Variants in MAP4K5 observed in about 807,000 individuals in gnomAD.
The protein encoded by MAP4K5 is MAPK/ERK kinase kinase kinase 5.
In MAP4K5, 82 loss-of-function variants were observed where a neutral mutation model predicts 135.6. The observed-to-expected ratio is 0.60, with a 90% CI of 0.51 to 0.73. The LOEUF (loss-of-function observed/expected upper bound fraction) is 0.73. MAP4K5 is among the 30% of genes least tolerant of loss of function. The probability of loss-of-function intolerance (pLI) is 0.00; values close to 1 mark genes in which losing one functional copy is unlikely to be tolerated. For missense variants in MAP4K5, 907 were observed against 1,010.9 expected, an observed-to-expected ratio of 0.90 and a Z score of 1.39; for synonymous variants, 347 against 335.0, an observed-to-expected ratio of 1.04 and a Z score of -0.39.
chr14:50,552,124 T>C (rs1330041936), intron 1 of MAP4K5, among the ~76,000 whole-genome samples: 1 of 152,076 alleles, frequency 6.6e-6, no homozygotes, highest in Non-Finnish European at 1.5e-5. Context: ...TAAAGACTCA[T>C]CCAAAAATCT....
chr14:50,560,582 A>G, intron 1 of MAP4K5: 1 of 485,786 alleles, frequency 2.1e-6, no homozygotes, highest in African/African-American at 2.0e-5. Flanking sequence ...GCATTTGGAC[A>G]GCACCCACCA....
In MAP4K5 at chr14:50,466,584, AT is replaced by A; in HGVS notation, c.735del (p.Lys245AsnfsTer12). 2 of 1,399,126 alleles carry A rather than the reference AT, an allele frequency of 1.4e-6. No homozygotes were observed. The highest frequency in any genetic ancestry group is 2.0e-6 in the Non-Finnish European group (2 of 1,009,638). The allele number at this position is 1,399,126 out of a possible 1,614,324, so 86.7% of individuals were successfully genotyped here. A position where few individuals can be genotyped will look rare whatever the true frequency, so the allele number is the denominator to read the frequency against. ...AAAACTATATATTCTTTAACTCACC[AT>A]TTTGTTTTGTCCTTTAGTTTTGGAG... ...FQPPKLKDKT[K>X]WSSTFHNFVK... On this transcript the variant is annotated frameshift_variant and splice_region_variant, in exon 11 of 33. Transcript: ENST00000682126. LOFTEE classifies it high-confidence loss of function.
intron 2 of MAP4K5, among the ~76,000 whole-genome samples, chr14:50,523,093 C>A (rs187546068): frequency 8.3e-4 from 127 of 152,252 alleles, no homozygotes; most frequent in Admixed American, 1.6e-3. Flanking sequence ...GGGTGGATCA[C>A]CTGAGGTCGG....
chr14:50,468,715 C>T lies in MAP4K5; in HGVS notation c.610G>A (p.Val204Ile). Residue 204 changes from valine (V) to isoleucine (I), a missense_variant, in exon 10 of 33, where the codon GTA (valine) becomes ATA (isoleucine). Val to Ile is a conservative substitution (Grantham distance 29). Transcript: ENST00000682126. ...GYNQLCDIWAVGITAIELGEL... is the reference protein window; with the variant it reads ...GYNQLCDIWAIGITAIELGEL... ...CCAAGTTCAATTGCTGTTATTCCTA[C>T]TGCCCAGATATCACAGAGTTGGTTG... 5.0e-6 allele frequency: 8 copies of T among 1,613,080 alleles called. No homozygotes were observed. The highest frequency in any genetic ancestry group is 6.8e-6 in the Non-Finnish European group (8 of 1,179,390).
rs1337749479 is a variant in MAP4K5 at position 50,419,045 on chromosome 14, ATTACT to A, written c.*969_*973del. The A allele has an allele frequency of 9.2e-5, 14 of 152,116 alleles. No homozygotes were observed. Among genetic ancestry groups the A allele is most frequent in the Non-Finnish European group, 1.3e-4 (9 of 67,984 alleles). 9.4% of individuals were successfully genotyped at this position (152,116 alleles called of 1,614,324 possible). A position where few individuals can be genotyped will look rare whatever the true frequency, so the allele number is the denominator to read the frequency against. On this transcript the variant is annotated 3_prime_UTR_variant, in exon 33 of 33. Transcript: ENST00000682126. Reference sequence around the variant, plus strand: ...TGAAAAACCCAAGATTACATGTGTAATTACTTTATAGTTTCCTCTCTGGCATAGTA... The same window carrying A: ...TGAAAAACCCAAGATTACATGTGTAATTATAGTTTCCTCTCTGGCATAGTA...
chr14:50,430,889 G>T (rs2035954164), intron 28 of MAP4K5, among the ~76,000 whole-genome samples: 1 of 152,174 alleles, frequency 6.6e-6, no homozygotes, highest in South Asian at 2.1e-4. Flanking sequence ...GGGTGGTAAA[G>T]AGCAGAGCTG....
At chr14:50,476,833 A>G (rs887994297) in intron 6 of MAP4K5, among the ~76,000 whole-genome samples, 5 of 152,222 alleles carry the variant, frequency 3.3e-5, no homozygotes, top group Non-Finnish European at 2.9e-5. Flanking sequence ...TATCAAATAT[A>G]TTAATTACTC....
chr14:50,469,095 T>C (rs960456152), intron 9 of MAP4K5, among the ~76,000 whole-genome samples: 4 of 152,198 alleles, frequency 2.6e-5, no homozygotes, highest in Non-Finnish European at 4.4e-5. Flanking sequence ...TAAATCCCTG[T>C]GAAGGTCAAA....
At chr14:50,518,066 T>C (rs1030058086) in intron 2 of MAP4K5, among the ~76,000 whole-genome samples, 2 of 152,158 alleles carry the variant, frequency 1.3e-5, no homozygotes, top group Non-Finnish European at 2.9e-5. Context: ...TGAGTTTCAA[T>C]GGGGCAGATT....
intron 32 of MAP4K5, among the ~76,000 whole-genome samples, chr14:50,422,557 G>A (rs531560750): frequency 5.7e-4 from 87 of 151,564 alleles, no homozygotes; most frequent in Middle Eastern, 3.4e-3. Flanking sequence ...ACAGTTGAGC[G>A]ACAGAGTGAG....
intron 1 of MAP4K5, among the ~76,000 whole-genome samples, chr14:50,546,722 C>T (rs1375262731): frequency 1.3e-5 from 2 of 152,070 alleles, no homozygotes; most frequent in African/African-American, 4.8e-5. Context: ...CAGCCAAAAC[C>T]AGAATGATCT....
intron 14 of MAP4K5, among the ~76,000 whole-genome samples, chr14:50,454,272 G>A (rs1057402366): frequency 1.3e-5 from 2 of 152,172 alleles, no homozygotes; most frequent in Admixed American, 6.6e-5. Context: ...GAGGGCAGGC[G>A]AGTATAGAAT....
At chr14:50,509,619 A>C (rs983324715) in intron 2 of MAP4K5, among the ~76,000 whole-genome samples, 2 of 152,096 alleles carry the variant, frequency 1.3e-5, no homozygotes, top group Non-Finnish European at 2.9e-5. Context: ...AAAATTATCG[A>C]ATAAAAGTTA....
At chr14:50,436,242 T>C (rs2036089541) in intron 26 of MAP4K5, among the ~76,000 whole-genome samples, 1 of 152,166 alleles carries the variant, frequency 6.6e-6, no homozygotes, top group South Asian at 2.1e-4. Flanking sequence ...GAGATAATTA[T>C]GTAGTAAAGA....
chr14:50,515,490 ATC>A (rs1203389375), intron 2 of MAP4K5, among the ~76,000 whole-genome samples: 1 of 152,066 alleles, frequency 6.6e-6, no homozygotes, highest in African/African-American at 2.4e-5. Flanking sequence ...TCCCTTACCT[ATC>A]AGGATTAAAC....
intron 8 of MAP4K5, among the ~76,000 whole-genome samples, 162 bp downstream of exon 8, chr14:50,475,966 T>A (rs1000268838): frequency 6.6e-6 from 1 of 152,180 alleles, no homozygotes; most frequent in Admixed American, 6.5e-5. Flanking sequence ...TTAAAATGAG[T>A]TTTGGGAGTA....
At chr14:50,504,886 G>A (rs779674415) in intron 2 of MAP4K5, 29 bp from the exon 3 acceptor site, 12 of 1,444,502 alleles carry the variant, frequency 8.3e-6, no homozygotes, top group Non-Finnish European at 1.1e-5. Flanking sequence ...CAAAAATCTT[G>A]TTAATTAAAA....
At chr14:50,468,480 AAC>A in intron 10 of MAP4K5, 169 bp downstream of exon 10, 1 of 593,320 alleles carries the variant, frequency 1.7e-6, no homozygotes, top group African/African-American at 1.9e-5. Flanking sequence ...GAATTGAGGT[AAC>A]TACCTTCGGA....
chr14:50,532,463 C>T lies in MAP4K5; in HGVS notation c.-125G>A, dbSNP rs118189385. 16,110 of 154,836 alleles carry T rather than the reference C, an allele frequency of 0.1. 1,192 individuals carry two copies. The highest frequency in any genetic ancestry group is 0.28 in the South Asian group (1,345 of 4,864). The allele number at this position is 154,836 out of a possible 1,614,324, so 9.6% of individuals were successfully genotyped here. On this transcript the variant is annotated 5_prime_UTR_variant, in exon 1 of 33. Coordinates refer to ENST00000682126, the MANE Select transcript of MAP4K5 (RefSeq NM_006575.6). Reference sequence around the variant, plus strand: ...CGGGACCTACTTCCTAGACCGCACCCGCGTCCTCCTCCCGCGCGCCGGCCG... The same window carrying T: ...CGGGACCTACTTCCTAGACCGCACCTGCGTCCTCCTCCCGCGCGCCGGCCG...
Sources: allele counts gnomAD v4.1 joint callset (sites outside exome capture counted in the v4.1 genomes callset), GRCh38; gene constraint gnomAD v4.1.1; transcripts MANE v1.5; gene names NCBI Gene and HGNC (gene_info 2026-07-23, HGNC 2026-07-21).